IL1RAPL1: variants seen among roughly 807,000 people sequenced by gnomAD.
IL1RAPL1 encodes interleukin-1 receptor accessory protein-like 1.
Under a neutral mutation model 48.4 loss-of-function variants are expected in IL1RAPL1, and 3 were observed. The ratio of observed to expected loss-of-function variants is 0.06; its 90% CI spans 0.03 to 0.16. The LOEUF is 0.16. Among genes scored for constraint, IL1RAPL1 ranks in the 10% least tolerant of loss-of-function variants. The pLI, the probability that IL1RAPL1 is intolerant of heterozygous loss-of-function variation, is 1.00. For missense variants in IL1RAPL1, 349 were observed against 530.6 expected (o/e 0.66, Z 3.36); for synonymous variants, 185 against 187.7 (o/e 0.99, Z 0.12).
At chrX:29,045,745 A>T (rs1926941906) in intron 2 of IL1RAPL1, among the ~76,000 whole-genome samples, 1 of 112,261 alleles carries the variant, frequency 8.9e-6, no homozygotes, top group African/African-American at 3.2e-5. Flanking sequence ...AACACATTTT[A>T]AAACCATAGG....
At chrX:28,848,162 C>T (rs758448873) in intron 2 of IL1RAPL1, among the ~76,000 whole-genome samples, 2 of 109,881 alleles carry the variant, frequency 1.8e-5, no homozygotes, top group East Asian at 5.8e-4. Context: ...TGGGACCTGT[C>T]GGGGATGGGG....
chrX:29,369,659 TGGGGATTATTACAACTCAA>T (rs1488977228), intron 3 of IL1RAPL1: 1 of 111,519 alleles, frequency 9.0e-6, no homozygotes, highest in Middle Eastern at 4.2e-3. Flanking sequence ...CCTTGACACT[TGGGGATTATTACAACTCAA>T]GGGGATTATT....
intron 6 of IL1RAPL1, among the ~76,000 whole-genome samples, chrX:29,895,562 A>T (rs1240411872): frequency 8.9e-6 from 1 of 112,817 alleles, no homozygotes; most frequent in Non-Finnish European, 1.9e-5. Flanking sequence ...AAAGAAAAAA[A>T]GCTATTGTAT....
At chrX:29,317,659 T>A (rs1288248477) in intron 3 of IL1RAPL1, among the ~76,000 whole-genome samples, 2 of 112,223 alleles carry the variant, frequency 1.8e-5, no homozygotes, top group Non-Finnish European at 1.9e-5. Flanking sequence ...AGTGAATATG[T>A]AAGTAAAAAA....
At chrX:29,548,388 G>A (rs1268054069) in intron 5 of IL1RAPL1, among the ~76,000 whole-genome samples, 4 of 111,720 alleles carry the variant, frequency 3.6e-5, no homozygotes, top group Admixed American at 9.5e-5. Flanking sequence ...TTACGTTTGC[G>A]CATAAGGACC....
At position 28,768,691 on chromosome X, in the gene IL1RAPL1, CTCTCTCTCTGTT is replaced by C. The variant is rs1489356602; in HGVS notation, c.-24-20619_-24-20608del. ...TACTGAGTGGGCTCTCTCTGTCTCT[CTCTCTCTCTGTT>C]TCTCTCTCTCTCTCTCTCTCTCTCT... On this transcript the variant is annotated intron_variant, in intron 1 of 10. Coordinates refer to ENST00000378993, the MANE Select transcript of IL1RAPL1 (RefSeq NM_014271.4). 2.9e-3 allele frequency among the ~76,000 whole-genome samples: 223 copies of C among 76,096 alleles called. 2 individuals are homozygous for C. The highest frequency in any genetic ancestry group is 8.1e-3 in the African/African-American group (160 of 19,777). The allele number at this position is 76,096 out of a possible 115,157, so 66.1% of individuals were successfully genotyped here. A position where few individuals can be genotyped will look rare whatever the true frequency, so the allele number is the denominator to read the frequency against.
At chrX:29,429,771 A>G (rs1934393446) in intron 5 of IL1RAPL1, among the ~76,000 whole-genome samples, 1 of 110,985 alleles carries the variant, frequency 9.0e-6, no homozygotes, top group Non-Finnish European at 1.9e-5. Context: ...TCAGTGTTGC[A>G]TTGCTCAGAA....
chrX:28,797,641 T>G (rs1270763386), intron 2 of IL1RAPL1, among the ~76,000 whole-genome samples: 6 of 111,862 alleles, frequency 5.4e-5, no homozygotes, highest in African/African-American at 1.6e-4. Context: ...ATTGTTCATA[T>G]CACTGTCAGC....
At position 29,836,490 on chromosome X, in the gene IL1RAPL1, G is replaced by A. The variant is rs762979629; in HGVS notation, c.779-80974G>A. On this transcript the variant is annotated intron_variant, in intron 6 of 10. Coordinates refer to ENST00000378993, the MANE Select transcript of IL1RAPL1 (RefSeq NM_014271.4). Reference sequence around the variant, plus strand: ...AGGCATGAGCCACCGTGCCTGGCCCGTGTTTCCATTTTAATTTGTCTCAAG... The same window carrying A: ...AGGCATGAGCCACCGTGCCTGGCCCATGTTTCCATTTTAATTTGTCTCAAG... 4.5e-5 allele frequency among the ~76,000 whole-genome samples: 5 copies of A among 111,663 alleles called. No homozygotes were observed. In the South Asian group the frequency reaches 1.5e-3, roughly 33 times the overall value.
At chrX:29,744,408 A>T (rs1928280521) in intron 6 of IL1RAPL1, among the ~76,000 whole-genome samples, 1 of 112,381 alleles carries the variant, frequency 8.9e-6, no homozygotes, top group Non-Finnish European at 1.9e-5. Flanking sequence ...CTCTCTCTGC[A>T]TACCTCTAAG....
At chrX:29,495,729 A>G (rs984131080) in intron 5 of IL1RAPL1, among the ~76,000 whole-genome samples, 2 of 111,943 alleles carry the variant, frequency 1.8e-5, no homozygotes, top group Admixed American at 9.5e-5. Flanking sequence ...CGAAATCACT[A>G]GTGATCTTGA....
chrX:29,904,352 C>A (rs1932564213), intron 6 of IL1RAPL1, among the ~76,000 whole-genome samples: 1 of 104,028 alleles, frequency 9.6e-6, no homozygotes, highest in African/African-American at 3.6e-5. Context: ...AATTTTATTG[C>A]TGATTCTTTT....
chrX:29,321,831 T>C (rs780101818), intron 3 of IL1RAPL1, among the ~76,000 whole-genome samples: 28 of 111,636 alleles, frequency 2.5e-4, no homozygotes, highest in African/African-American at 8.8e-4. Context: ...GATCCTTGCC[T>C]AGAAACAGAA....
intron 6 of IL1RAPL1, among the ~76,000 whole-genome samples, chrX:29,814,904 T>C (rs772302500): frequency 1.8e-5 from 2 of 111,336 alleles, no homozygotes; most frequent in South Asian, 7.6e-4. Flanking sequence ...TGTGTGGCTT[T>C]ATTTCTGGGT....
intron 2 of IL1RAPL1, among the ~76,000 whole-genome samples, chrX:29,027,952 A>ATT (rs958681087): frequency 9.3e-6 from 1 of 107,920 alleles, no homozygotes; most frequent in Non-Finnish European, 1.9e-5. Context: ...GTGTGTGTAT[A>ATT]TTATATATAT....
At chrX:28,842,526 A>G (rs1030354697) in intron 2 of IL1RAPL1, among the ~76,000 whole-genome samples, 1 of 111,034 alleles carries the variant, frequency 9.0e-6, no homozygotes, top group African/African-American at 3.3e-5. Flanking sequence ...AAACAGCCTA[A>G]TACATGGCAG....
chrX:28,896,089 T>A (rs1418090812), intron 2 of IL1RAPL1, among the ~76,000 whole-genome samples: 1 of 112,115 alleles, frequency 8.9e-6, no homozygotes, highest in Non-Finnish European at 1.9e-5. Context: ...GAGGAACCCC[T>A]GGCAGCTGCG....
intron 2 of IL1RAPL1, among the ~76,000 whole-genome samples, chrX:28,883,951 G>A (rs1922567405): frequency 9.0e-6 from 1 of 111,461 alleles, no homozygotes; most frequent in Non-Finnish European, 1.9e-5. Context: ...ATAAAGACAT[G>A]TTACACTTTT....
At chrX:29,754,540 C>T (rs753754725) in intron 6 of IL1RAPL1, among the ~76,000 whole-genome samples, 1 of 111,721 alleles carries the variant, frequency 9.0e-6, no homozygotes, top group Non-Finnish European at 1.9e-5. Flanking sequence ...TACACAGAAA[C>T]GATTAGCCGC....
Sources: allele counts gnomAD v4.1 joint callset (sites outside exome capture counted in the v4.1 genomes callset), GRCh38; gene constraint gnomAD v4.1.1; transcripts MANE v1.5; gene names NCBI Gene and HGNC (gene_info 2026-07-23, HGNC 2026-07-21).